HNF4A: variants seen among roughly 807,000 people sequenced by gnomAD.
HNF4A encodes hepatocyte nuclear factor 4-alpha.
Under a neutral mutation model 52.4 loss-of-function variants are expected in HNF4A, and 15 were observed. The observed-to-expected ratio is 0.29, with a 90% confidence interval of 0.19 to 0.44. The LOEUF (loss-of-function observed/expected upper bound fraction) is 0.44. HNF4A is among the 20% of genes least tolerant of loss of function. The pLI, the probability that HNF4A is intolerant of heterozygous loss-of-function variation, is 1.00. For missense variants in HNF4A, 479 were observed against 647.2 expected (o/e 0.74, Z 2.82); for synonymous variants, 280 against 264.4 (o/e 1.06, Z -0.57).
intron 8 of HNF4A, among the ~76,000 whole-genome samples, chr20:44,428,070 C>T (rs575963060): frequency 1.3e-5 from 2 of 152,214 alleles, no homozygotes; most frequent in Non-Finnish European, 2.9e-5. Flanking sequence ...AGAACATTTA[C>T]GTGATCTCAG....
At position 44,413,103 on chromosome 20, in the gene HNF4A, C is replaced by T. The variant is rs185911927; in HGVS notation, c.386-591C>T. Among the ~76,000 whole-genome samples, 83 of 152,266 alleles carry T rather than the reference C, an allele frequency of 5.5e-4. No individual in the cohort carries two copies. In the East Asian group the frequency reaches 0.016, roughly 28 times the overall value. ...GAGCAGGCAGTGGAGCCTGGGGCCC[C>T]GGTGGGCGTAGGCTCCAGATCCCTC... On this transcript the variant is annotated intron_variant, in intron 3 of 9. Coordinates refer to ENST00000316099, the MANE Select transcript of HNF4A (RefSeq NM_000457.6).
At chr20:44,413,250 C>T (rs2063611996) in intron 3 of HNF4A, among the ~76,000 whole-genome samples, 1 of 152,170 alleles carries the variant, frequency 6.6e-6, no homozygotes, top group Non-Finnish European at 1.5e-5. Flanking sequence ...GCAGTTGGAG[C>T]CCCCAGATCC....
chr20:44,416,122 C>A (rs1438254866), intron 5 of HNF4A, among the ~76,000 whole-genome samples: 1 of 152,130 alleles, frequency 6.6e-6, no homozygotes, highest in African/African-American at 2.4e-5. Context: ...ATTAACACAC[C>A]ACCCCGACCT....
upstream of HNF4A, among the ~76,000 whole-genome samples, chr20:44,399,398 T>C (rs13433202): frequency 0.2 from 30,574 of 152,108 alleles, 3,378 homozygotes; most frequent in African/African-American, 0.27. Flanking sequence ...TCTCCTGACA[T>C]CAAATCTAGC....
intron 1 of HNF4A, among the ~76,000 whole-genome samples, chr20:44,367,590 A>C (rs1473693324): frequency 6.6e-6 from 1 of 150,506 alleles, no homozygotes; most frequent in African/African-American, 2.4e-5. Flanking sequence ...GCAGTGAGCC[A>C]AGATCGCACC....
chr20:44,385,930 A>G (rs1260677769), intron 1 of HNF4A, among the ~76,000 whole-genome samples: 1 of 143,426 alleles, frequency 7.0e-6, no homozygotes, highest in Non-Finnish European at 1.5e-5. Flanking sequence ...CACGATCTTC[A>G]CTCACTGGAA....
At chr20:44,398,954 G>C (rs1320920304), upstream of HNF4A, among the ~76,000 whole-genome samples, 1 of 152,250 alleles carries the variant, frequency 6.6e-6, no homozygotes, top group African/African-American at 2.4e-5. Flanking sequence ...ATGTATTCCT[G>C]GATTGTGTGG....
intron 5 of HNF4A, among the ~76,000 whole-genome samples, chr20:44,417,345 G>C (rs1181864033): frequency 6.6e-6 from 1 of 152,128 alleles, no homozygotes; most frequent in Non-Finnish European, 1.5e-5. Context: ...CTGTGAGCTT[G>C]CTGGGCCCCT....
intron 6 of HNF4A, 107 bp from the exon 7 acceptor site, chr20:44,419,614 C>A: frequency 2.0e-6 from 2 of 1,010,044 alleles, no homozygotes; most frequent in Non-Finnish European, 3.1e-6. Context: ...CCCTGCAGGT[C>A]CTCCTCCCAC....
At chr20:44,409,187 A>G (rs2063546229) in intron 3 of HNF4A, among the ~76,000 whole-genome samples, 2 of 152,236 alleles carry the variant, frequency 1.3e-5, no homozygotes, top group South Asian at 2.1e-4. Flanking sequence ...TAACATCTAG[A>G]TATCAGTGGT....
In HNF4A at chr20:44,432,108, C is replaced by CCT. The variant is rs1442032000; in HGVS notation, c.*2446_*2447dup. ...CCTCCTCCCTCCAGCGTTGCTCAGA[C>CCT]CTCTGTCTTGGGAGAAAGGTTGAGA... On this transcript the variant is annotated 3_prime_UTR_variant, in exon 10 of 10. Transcript: ENST00000316099. 1 of 152,178 alleles carries CCT rather than the reference C, an allele frequency of 6.6e-6. No individual in the cohort carries two copies. The highest frequency in any genetic ancestry group is 1.9e-4 in the East Asian group (1 of 5,178). The allele number at this position is 152,178 out of a possible 1,614,324, so 9.4% of individuals were successfully genotyped here. A position where few individuals can be genotyped will look rare whatever the true frequency, so the allele number is the denominator to read the frequency against.
At chr20:44,363,045 G>A (rs533669830) in intron 1 of HNF4A, among the ~76,000 whole-genome samples, 1 of 151,962 alleles carries the variant, frequency 6.6e-6, no homozygotes, top group African/African-American at 2.4e-5. Context: ...TAGTAGAGAT[G>A]GGGTTTCACC....
rs538395552 is a variant in HNF4A at position 44,377,528 on chromosome 20, C to T, written c.49+21675C>T. On this transcript the variant is annotated intron_variant, in intron 1 of 9. Transcript: ENST00000316673. The stretch of plus-strand genomic sequence containing the variant: ...CTGTAATCCAAGCACTTTGGGAGGC[C>T]GAGGCGGGTGGATCACTTGAGATCA... 1.7e-4 allele frequency among the ~76,000 whole-genome samples: 26 copies of T among 152,036 alleles called. No individual in the cohort carries two copies. In the East Asian group the frequency reaches 2.7e-3, roughly 16 times the overall value.
chr20:44,403,405 G>C (rs2063437757), intron 1 of HNF4A, among the ~76,000 whole-genome samples: 1 of 152,230 alleles, frequency 6.6e-6, no homozygotes, highest in South Asian at 2.1e-4. Flanking sequence ...ATAAGATGAG[G>C]TGCCTGGGTG....
At chr20:44,423,607 G>A (rs185235677) in intron 7 of HNF4A, among the ~76,000 whole-genome samples, 87 of 152,314 alleles carry the variant, frequency 5.7e-4, no homozygotes, top group African/African-American at 1.6e-3. Flanking sequence ...TGGATGAGGG[G>A]ACCTCAACTG....
rs927209103 is a variant in HNF4A, at chr20:44,431,201, C to T, written c.*1536C>T. 2 of 152,214 alleles carry T rather than the reference C, an allele frequency of 1.3e-5. No homozygotes were observed. Among genetic ancestry groups the T allele is most frequent in the African/African-American group, 2.4e-5 (1 of 41,420 alleles). The allele number at this position is 152,214 out of a possible 1,614,324, so 9.4% of individuals were successfully genotyped here. On this transcript the variant is annotated 3_prime_UTR_variant, in exon 10 of 10. Transcript: ENST00000316099. Reference sequence around the variant, plus strand: ...CTTAACTACAGTGGCTGAATAGCTTCTCCAAAGGCTCCCTGTGTTCTCACC... The same window carrying T: ...CTTAACTACAGTGGCTGAATAGCTTTTCCAAAGGCTCCCTGTGTTCTCACC...
chr20:44,382,486 C>T (rs571247272), intron 1 of HNF4A, among the ~76,000 whole-genome samples: 2 of 152,292 alleles, frequency 1.3e-5, no homozygotes, highest in South Asian at 4.1e-4. Flanking sequence ...ATCCGCCCGC[C>T]TTGGCCTCCC....
intron 1 of HNF4A, among the ~76,000 whole-genome samples, chr20:44,402,327 G>A (rs1417223636): frequency 1.3e-5 from 2 of 152,156 alleles, no homozygotes; most frequent in Non-Finnish European, 2.9e-5. Flanking sequence ...GTTTGTGCAT[G>A]CGGACCTGTT....
At chr20:44,401,675 T>A (rs147237116) in intron 1 of HNF4A, among the ~76,000 whole-genome samples, 173 of 152,374 alleles carry the variant, frequency 1.1e-3, no homozygotes, top group African/African-American at 2.9e-3. Flanking sequence ...ACAGGCATTC[T>A]GGGTGAAGGG....
Sources: allele counts gnomAD v4.1 joint callset (sites outside exome capture counted in the v4.1 genomes callset), GRCh38; gene constraint gnomAD v4.1.1; transcripts MANE v1.5; gene names NCBI Gene and HGNC (gene_info 2026-07-23, HGNC 2026-07-21).